Variants in ROBO2 observed in about 807,000 individuals in gnomAD.
ROBO2 encodes roundabout guidance receptor 2, also known as roundabout homolog 2.
Under a neutral mutation model 160.8 loss-of-function variants are expected in ROBO2, and 53 were observed. That is an observed-to-expected ratio of 0.33 (90% CI 0.26 to 0.41). The LOEUF (loss-of-function observed/expected upper bound fraction) is 0.41, where lower values mean the gene tolerates loss of function less well. Ranked by LOEUF, ROBO2 falls within the 10% of genes least tolerant of loss-of-function variation. ROBO2 has a pLI of 1.00. For missense variants in ROBO2, 1,577 were observed against 1,722.4 expected, an observed-to-expected ratio of 0.92 and a Z score of 1.49; for synonymous variants, 664 against 611.7, an observed-to-expected ratio of 1.09 and a Z score of -1.26.
At chr3:75,957,673 GTAGT>G (rs1948769801) in intron 2 of ROBO2, among the ~76,000 whole-genome samples, 2 of 150,518 alleles carry the variant, frequency 1.3e-5, no homozygotes, top group African/African-American at 4.9e-5. Flanking sequence ...GTTCTTGAAA[GTAGT>G]TAGATTTTGA....
intron 2 of ROBO2, among the ~76,000 whole-genome samples, chr3:76,335,480 C>T (rs1036760049): frequency 6.6e-6 from 1 of 151,970 alleles, no homozygotes; most frequent in African/African-American, 2.4e-5. Flanking sequence ...CCACACCCAG[C>T]CTTCTGTGTA....
intron 2 of ROBO2, among the ~76,000 whole-genome samples, chr3:76,044,068 G>T (rs1482526233): frequency 6.6e-6 from 1 of 152,050 alleles, no homozygotes; most frequent in Admixed American, 6.5e-5. Flanking sequence ...GTAAGTACCT[G>T]TAAAGTTGGG....
At chr3:76,550,328 A>G (rs1578081196) in intron 2 of ROBO2, among the ~76,000 whole-genome samples, 1 of 117,890 alleles carries the variant, frequency 8.5e-6, no homozygotes, top group Non-Finnish European at 2.1e-5. Flanking sequence ...ATTTCCAGTT[A>G]GCATGTAGCC....
At chr3:76,029,304 A>G (rs575219411) in intron 2 of ROBO2, among the ~76,000 whole-genome samples, 1 of 152,192 alleles carries the variant, frequency 6.6e-6, no homozygotes, top group South Asian at 2.1e-4. Context: ...CAGAAAAAAC[A>G]TGGTATTATA....
intron 1 of ROBO2, among the ~76,000 whole-genome samples, chr3:77,042,311 C>T (rs749750100): frequency 2.0e-5 from 3 of 152,122 alleles, no homozygotes; most frequent in Admixed American, 6.5e-5. Context: ...GTGTACATTA[C>T]CGTAACAAAA....
intron 1 of ROBO2, among the ~76,000 whole-genome samples, chr3:77,053,936 C>T (rs1049164136): frequency 2.6e-5 from 4 of 152,168 alleles, no homozygotes; most frequent in South Asian, 4.1e-4. Context: ...AAAGGTCATG[C>T]GATTATAGTG....
intron 1 of ROBO2, among the ~76,000 whole-genome samples, chr3:77,068,467 C>T (rs2067086924): frequency 6.6e-6 from 1 of 152,042 alleles, no homozygotes; most frequent in Non-Finnish European, 1.5e-5. Context: ...ATGAACATTG[C>T]ATGGAATAAA....
At chr3:76,764,710 T>C (rs1474916828) in intron 2 of ROBO2, among the ~76,000 whole-genome samples, 1 of 151,592 alleles carries the variant, frequency 6.6e-6, no homozygotes, top group Non-Finnish European at 1.5e-5. Flanking sequence ...GCCACCTGTC[T>C]ATCAAAACTC....
chr3:77,551,325 A>G (rs2092913771), intron 8 of ROBO2, among the ~76,000 whole-genome samples: 1 of 152,042 alleles, frequency 6.6e-6, no homozygotes, highest in Admixed American at 6.6e-5. Context: ...TCTACTAGAC[A>G]TTAATAATTT....
intron 2 of ROBO2, among the ~76,000 whole-genome samples, chr3:76,159,656 A>C (rs2072545315): frequency 6.6e-6 from 1 of 152,138 alleles, no homozygotes; most frequent in Admixed American, 6.6e-5. Flanking sequence ...TTATATATAC[A>C]AGGGGACTTC....
At chr3:75,986,903 G>A (rs948234195) in intron 2 of ROBO2, among the ~76,000 whole-genome samples, 1 of 151,424 alleles carries the variant, frequency 6.6e-6, no homozygotes, top group African/African-American at 2.4e-5. Context: ...TCATTTCTGG[G>A]ATCTCAATTT....
chr3:76,202,954 T>A (rs972980427), intron 2 of ROBO2, among the ~76,000 whole-genome samples: 2 of 151,980 alleles, frequency 1.3e-5, no homozygotes, highest in African/African-American at 4.8e-5. Context: ...TGAAATACTT[T>A]AGTAGCTGTG....
Position 76,303,961 on chromosome 3 carries a change from T to C in ROBO2, c.109+366359T>C, listed in dbSNP as rs139593769. ...GAGATGTTCACTCTGTAGAAATCAC[T>C]GGCAAAGGAAAAAGGAATAAAAATA... is the stretch of plus-strand genomic sequence containing the variant. On this transcript the variant is annotated intron_variant, in intron 2 of 26. Transcript: ENST00000487694. Among the ~76,000 whole-genome samples, 239 of 152,264 alleles carry C rather than the reference T, an allele frequency of 1.6e-3. 3 individuals carry two copies. The highest frequency in any genetic ancestry group is 5.3e-3 in the African/African-American group (222 of 41,558).
intron 2 of ROBO2, among the ~76,000 whole-genome samples, chr3:77,440,838 G>T (rs1409329991): frequency 6.6e-6 from 1 of 152,076 alleles, no homozygotes; most frequent in Non-Finnish European, 1.5e-5. Flanking sequence ...GGTTGTGGAA[G>T]CTCAGTCTCC....
At chr3:77,369,061 T>C (rs1000306383) in intron 2 of ROBO2, among the ~76,000 whole-genome samples, 7 of 152,134 alleles carry the variant, frequency 4.6e-5, no homozygotes, top group South Asian at 2.1e-4. Context: ...ATATAAGAGA[T>C]AGAACTAGTA....
intron 2 of ROBO2, among the ~76,000 whole-genome samples, chr3:76,204,274 A>G (rs1030327462): frequency 2.0e-5 from 3 of 152,176 alleles, no homozygotes; most frequent in Non-Finnish European, 4.4e-5. Flanking sequence ...GGAGAAAATA[A>G]TAAAGCTTTT....
intron 2 of ROBO2, among the ~76,000 whole-genome samples, chr3:76,286,500 A>G (rs1343066183): frequency 6.6e-6 from 1 of 152,122 alleles, no homozygotes; most frequent in Admixed American, 6.5e-5. Flanking sequence ...ATTAATTTTC[A>G]TTTTTCAGCA....
intron 2 of ROBO2, among the ~76,000 whole-genome samples, chr3:76,955,487 A>G (rs1269304664): frequency 6.6e-6 from 1 of 152,156 alleles, no homozygotes; most frequent in African/African-American, 2.4e-5. Context: ...GTGGGTTCCA[A>G]TGTTTCCACA....
At chr3:77,584,224 A>AT (rs2093986393) in intron 16 of ROBO2, among the ~76,000 whole-genome samples, 1 of 152,004 alleles carries the variant, frequency 6.6e-6, no homozygotes, top group Non-Finnish European at 1.5e-5. Flanking sequence ...TATCAATAAG[A>AT]TTGAGTTTTT....
Sources: gnomAD v4.1 joint callset for allele counts (sites outside exome capture counted in the v4.1 genomes callset) on GRCh38, gnomAD v4.1.1 for gene constraint, MANE v1.5 for transcripts, NCBI Gene and HGNC (gene_info 2026-07-23, HGNC 2026-07-21) for gene names.